Variants in PLCZ1 observed in about 807,000 individuals in gnomAD.
The protein encoded by PLCZ1 is phospholipase C zeta 1.
PLCZ1 carries 64 observed loss-of-function variants against 76.8 expected under a neutral mutation model. The ratio of observed to expected loss-of-function variants is 0.83; its 90% CI spans 0.68 to 1.03. The LOEUF is 1.03. Among genes scored for constraint, PLCZ1 ranks in the 50% least tolerant of loss-of-function variants. The pLI is 0.00. For synonymous variants in PLCZ1, 248 were observed against 230.8 expected, an observed-to-expected ratio of 1.07 and a Z score of -0.68; for missense variants, 751 against 713.7, an observed-to-expected ratio of 1.05 and a Z score of -0.60.
the PLCZ1 span, among the ~76,000 whole-genome samples, chr12:18,671,628 A>G: frequency 6.6e-6 from 1 of 152,188 alleles, no homozygotes; most frequent in African/African-American, 2.4e-5. Context: ...ACATATGGCT[A>G]GTGGCTACTA....
the PLCZ1 span, among the ~76,000 whole-genome samples, chr12:18,656,158 G>A: frequency 6.6e-6 from 1 of 152,196 alleles, no homozygotes; most frequent in African/African-American, 2.4e-5. Context: ...GCTGGGCACA[G>A]TGGCTCACAC....
Position 18,728,658 on chromosome 12 carries a change from T to A in PLCZ1, c.136-5116A>T, listed in dbSNP as rs565110246. 9.2e-5 allele frequency among the ~76,000 whole-genome samples: 14 copies of A among 152,178 alleles called. No individual in the cohort carries two copies. The South Asian group carries it at 2.9e-3, about 32-fold the overall frequency. On this transcript the variant is annotated intron_variant, in intron 3 of 14. Coordinates refer to ENST00000266505, the MANE Select transcript of PLCZ1 (RefSeq NM_033123.4). ...CAGGGAAATTTTTTATAAAAAGGGA[T>A]AAGTGAAATGCACAGAGAGGCTAAC...
At chr12:18,650,696 G>C in the PLCZ1 span, among the ~76,000 whole-genome samples, 1 of 43,704 alleles carries the variant, frequency 2.3e-5, no homozygotes, top group Admixed American at 3.1e-4. Context: ...GTGTGTGTGT[G>C]TGTGTGTGTA....
At chr12:18,728,882 T>G (rs1445819365) in intron 3 of PLCZ1, among the ~76,000 whole-genome samples, 1 of 152,056 alleles carries the variant, frequency 6.6e-6, no homozygotes, top group Non-Finnish European at 1.5e-5. Context: ...AAGTTTACAT[T>G]GTGGAGGACC....
chr12:18,662,279 G>A, the PLCZ1 span, among the ~76,000 whole-genome samples: 67,707 of 151,424 alleles, frequency 0.45, 18,605 homozygotes, highest in South Asian at 0.64. Flanking sequence ...ACTTACCTAT[G>A]TAGCAAACCT....
intron 13 of PLCZ1, chr12:18,685,575 C>T (rs976951282): frequency 1.4e-5 from 7 of 497,004 alleles, no homozygotes; most frequent in African/African-American, 3.9e-5. Context: ...ACATTTACCA[C>T]ATAGCAATCT....
At chr12:18,690,453 G>T (rs757892315) in intron 12 of PLCZ1, among the ~76,000 whole-genome samples, 1 of 152,084 alleles carries the variant, frequency 6.6e-6, no homozygotes, top group African/African-American at 2.4e-5. Context: ...TTGAACTCTT[G>T]ACCTCAGGTA....
the PLCZ1 span, among the ~76,000 whole-genome samples, chr12:18,675,672 C>T: frequency 6.6e-6 from 1 of 152,082 alleles, no homozygotes. Context: ...TATATCTATA[C>T]CATGGAATAC....
intron 6 of PLCZ1, among the ~76,000 whole-genome samples, chr12:18,711,213 G>A (rs987915899): frequency 6.6e-6 from 1 of 151,802 alleles, no homozygotes; most frequent in Non-Finnish European, 1.5e-5. Flanking sequence ...CATAAAAAAT[G>A]AAGAGTTCAT....
At chr12:18,651,902 A>G in the PLCZ1 span, among the ~76,000 whole-genome samples, 1 of 152,178 alleles carries the variant, frequency 6.6e-6, no homozygotes, top group African/African-American at 2.4e-5. Context: ...GGTTGAGGAT[A>G]AGGACCAGCT....
At chr12:18,671,014 C>T in the PLCZ1 span, among the ~76,000 whole-genome samples, 1 of 151,708 alleles carries the variant, frequency 6.6e-6, no homozygotes, top group East Asian at 2.0e-4. Context: ...CCTGTCTCCA[C>T]TAAAATACAA....
At chr12:18,710,050 T>C (rs2137386701) in intron 6 of PLCZ1, among the ~76,000 whole-genome samples, 1 of 151,886 alleles carries the variant, frequency 6.6e-6, no homozygotes, top group South Asian at 2.1e-4. Flanking sequence ...TAACAGGGTT[T>C]TTTGTGTGGA....
chr12:18,686,972 G>C (rs1953246997), intron 13 of PLCZ1, among the ~76,000 whole-genome samples: 1 of 151,986 alleles, frequency 6.6e-6, no homozygotes, highest in African/African-American at 2.4e-5. Flanking sequence ...AAGTTTCTAA[G>C]CATTTTGTGA....
intron 3 of PLCZ1, among the ~76,000 whole-genome samples, chr12:18,724,354 G>A (rs945233468): frequency 2.6e-5 from 4 of 152,090 alleles, no homozygotes; most frequent in Non-Finnish European, 5.9e-5. Flanking sequence ...AAGAATGACT[G>A]GGGTCAGGGA....
At chr12:18,710,567 C>G (rs1957175753) in intron 6 of PLCZ1, among the ~76,000 whole-genome samples, 2 of 152,104 alleles carry the variant, frequency 1.3e-5, no homozygotes, top group South Asian at 4.2e-4. Context: ...AAAAATCACT[C>G]TGGTTGATAT....
At chr12:18,722,466 T>C (rs973923075) in intron 4 of PLCZ1, among the ~76,000 whole-genome samples, 7 of 152,082 alleles carry the variant, frequency 4.6e-5, no homozygotes, top group African/African-American at 1.7e-4. Context: ...GTGTTAAACA[T>C]TGGTAGCCTA....
chr12:18,673,263 C>T, the PLCZ1 span, among the ~76,000 whole-genome samples: 5 of 152,012 alleles, frequency 3.3e-5, no homozygotes, highest in South Asian at 2.1e-4. Context: ...CAGCTATCCC[C>T]ACTGTAATCC....
At chr12:18,664,109 A>G in the PLCZ1 span, among the ~76,000 whole-genome samples, 27 of 152,208 alleles carry the variant, frequency 1.8e-4, no homozygotes, top group African/African-American at 6.5e-4. Flanking sequence ...AAACAAAGAC[A>G]CACCAGAAAA....
chr12:18,701,634 TCCTCCTCC>T (rs2137266593), intron 8 of PLCZ1, 50 bp downstream of exon 8: 3 of 1,591,608 alleles, frequency 1.9e-6, no homozygotes, highest in Non-Finnish European at 8.6e-7. Context: ...CTCCTCCTCC[TCCTCCTCC>T]TCCTCCTCCT....
Sources: gnomAD v4.1 joint callset for allele counts (sites outside exome capture counted in the v4.1 genomes callset) on GRCh38, gnomAD v4.1.1 for gene constraint, MANE v1.5 for transcripts, NCBI Gene and HGNC (gene_info 2026-07-23, HGNC 2026-07-21) for gene names.